Variants in MGAT5B observed in about 807,000 individuals in gnomAD.
MGAT5B encodes N-acetylglucosaminyl-transferase Vb.
Under a neutral mutation model 95.1 loss-of-function variants are expected in MGAT5B, and 54 were observed. The observed-to-expected ratio is 0.57, with a 90% CI of 0.46 to 0.71. The LOEUF (loss-of-function observed/expected upper bound fraction) is 0.71, where lower values mean the gene tolerates loss of function less well. Ranked by LOEUF, MGAT5B falls within the 30% of genes least tolerant of loss-of-function variation. The pLI is 0.00. For missense variants in MGAT5B, 935 were observed against 1,088.6 expected (o/e 0.86, Z 1.99); for synonymous variants, 464 against 451.0 (o/e 1.03, Z -0.36).
At chr17:76,899,913 A>C (rs1327050176) in intron 3 of MGAT5B, among the ~76,000 whole-genome samples, 1 of 152,090 alleles carries the variant, frequency 6.6e-6, no homozygotes, top group Non-Finnish European at 1.5e-5. Flanking sequence ...TAATGAGAAA[A>C]GGTTGATGTG....
chr17:76,937,485 A>G (rs771980365), intron 12 of MGAT5B, among the ~76,000 whole-genome samples: 1 of 151,714 alleles, frequency 6.6e-6, no homozygotes, highest in African/African-American at 2.4e-5. Flanking sequence ...GTGGACGCAT[A>G]GAGTTATGGG....
At chr17:76,909,133 A>T (rs554591010) in intron 8 of MGAT5B, among the ~76,000 whole-genome samples, 1 of 151,380 alleles carries the variant, frequency 6.6e-6, no homozygotes, top group East Asian at 1.9e-4. Flanking sequence ...TTTAAATCTT[A>T]TTTATTTTAA....
intron 10 of MGAT5B, among the ~76,000 whole-genome samples, chr17:76,927,189 C>T (rs1969339567): frequency 6.6e-6 from 1 of 152,146 alleles, no homozygotes; most frequent in African/African-American, 2.4e-5. Context: ...TTGGGCTTGG[C>T]TTCCAGGGCT....
At position 76,908,691 on chromosome 17, in the gene MGAT5B, G is replaced by A. The variant is rs371351975; in HGVS notation, c.1025+2504G>A. Among the ~76,000 whole-genome samples, 21 of 152,134 alleles carry A rather than the reference G, an allele frequency of 1.4e-4. No individual in the cohort carries two copies. In the East Asian group the frequency reaches 3.1e-3, roughly 22 times the overall value. ...TGTAATGATCAAGTCAGGGTACTGG[G>A]GATCTATCATCTTGAGTATTTATTA... On this transcript the variant is annotated intron_variant, in intron 8 of 17. Coordinates refer to ENST00000569840, the MANE Select transcript of MGAT5B (RefSeq NM_001199172.2).
intron 3 of MGAT5B, among the ~76,000 whole-genome samples, chr17:76,897,848 G>C (rs1021296969): frequency 4.0e-5 from 6 of 150,816 alleles, no homozygotes; most frequent in African/African-American, 1.5e-4. Flanking sequence ...GTGAGGTCAG[G>C]AGTTTGAGAC....
At chr17:76,909,624 G>C (rs1309249893) in intron 8 of MGAT5B, among the ~76,000 whole-genome samples, 2 of 152,174 alleles carry the variant, frequency 1.3e-5, no homozygotes, top group African/African-American at 2.4e-5. Flanking sequence ...ACCAGTCTTG[G>C]GCAGCTACTC....
Position 76,904,314 on chromosome 17 carries a change from G to A in MGAT5B, c.582G>A (p.Glu194=). The A allele has an allele frequency of 1.9e-6, 3 of 1,609,918 alleles. No homozygotes were observed. The highest frequency in any genetic ancestry group is 2.5e-6 in the Non-Finnish European group (3 of 1,178,500). Residue 194 remains glutamate (E), a synonymous_variant, in exon 6 of 18, where the codon GAG becomes GAA. Transcript: ENST00000569840. ...CYAFFGVDGT[E]CSFLIYLSEV... is the part of the protein sequence containing the mutation. ...CCTTCTTTGGGGTGGACGGCACCGA[G>A]TGCTCCTTCCTCATCTACCTCAGTG...
intron 3 of MGAT5B, among the ~76,000 whole-genome samples, chr17:76,890,358 G>A (rs1967819866): frequency 6.6e-6 from 1 of 152,218 alleles, no homozygotes; most frequent in South Asian, 2.1e-4. Flanking sequence ...ATTACGAGTA[G>A]TGATAATAAT....
intron 10 of MGAT5B, among the ~76,000 whole-genome samples, chr17:76,926,996 C>T (rs1969334210): frequency 6.6e-6 from 1 of 152,180 alleles, no homozygotes; most frequent in South Asian, 2.1e-4. Flanking sequence ...GTAGCCTTCA[C>T]CCTCCAGGAG....
chr17:76,900,871 A>G (rs62084720), intron 3 of MGAT5B, among the ~76,000 whole-genome samples: 1 of 142,742 alleles, frequency 7.0e-6, no homozygotes, highest in Non-Finnish European at 1.5e-5. Context: ...TTGTGTGTGC[A>G]TGTGTGCGTG....
intron 15 of MGAT5B, among the ~76,000 whole-genome samples, chr17:76,941,891 T>C (rs1378823740): frequency 2.6e-5 from 4 of 152,222 alleles, no homozygotes; most frequent in African/African-American, 9.6e-5. Flanking sequence ...CCCAGAGCTG[T>C]CCTGCCCGAG....
In MGAT5B at chr17:76,914,465, T is replaced by C. The variant is rs963003278; in HGVS notation, c.1025+8278T>C. 6.6e-6 allele frequency among the ~76,000 whole-genome samples: 1 copy of C among 152,184 alleles called. No homozygotes were observed. Among genetic ancestry groups the C allele is most frequent in the African/African-American group, 2.4e-5 (1 of 41,444 alleles). ...ACACAAATGTGTCCTCTTACAGTCC[T>C]GAAGGCTGGAAGTCTGAAATCAAGA... On this transcript the variant is annotated intron_variant, in intron 8 of 17. Coordinates refer to ENST00000569840, the MANE Select transcript of MGAT5B (RefSeq NM_001199172.2). The surrounding 1 kb of genome is among the most constrained non-coding windows in gnomAD (Gnocchi z 5.1).
At position 76,869,198 on chromosome 17, in the gene MGAT5B, C is replaced by T; in HGVS notation, c.68+101C>T. On this transcript the variant is annotated intron_variant, in intron 1 of 17. Transcript: ENST00000569840. This position sits in a 1 kb window ranked among gnomAD's most constrained non-coding sequence, Gnocchi z 7.0. ...GTTCAAGTCCTGGTGGCAGAGGGGGCGGTTCACACTTCAACCCCTGGTGAT... is the reference window on the plus strand; with the variant it reads ...GTTCAAGTCCTGGTGGCAGAGGGGGTGGTTCACACTTCAACCCCTGGTGAT... 9.8e-7 allele frequency: 1 copy of T among 1,018,390 alleles called. No homozygotes were observed. Among genetic ancestry groups the T allele is most frequent in the Non-Finnish European group, 1.5e-6 (1 of 652,790 alleles). 63.1% of individuals were successfully genotyped at this position (1,018,390 alleles called of 1,614,324 possible).
At chr17:76,883,626 C>G (rs752385801) in intron 3 of MGAT5B, among the ~76,000 whole-genome samples, 7 of 152,190 alleles carry the variant, frequency 4.6e-5, no homozygotes, top group Non-Finnish European at 8.8e-5. Context: ...CCACCCTATT[C>G]CAGGGAGACG....
At position 76,946,360 on chromosome 17, in the gene MGAT5B, C is replaced by T. The variant is rs546574387; in HGVS notation, c.1849-16C>T. 6.2e-7 allele frequency: 1 copy of T among 1,602,940 alleles called. No homozygotes were observed. Among genetic ancestry groups the T allele is most frequent in the African/African-American group, 1.3e-5 (1 of 74,576 alleles). Reference sequence around the variant, plus strand: ...GGCCTTCTCCCGCCCCATGTGTCTGCCCATCCCTCCCACAGGTAGACCCCT... The same window carrying T: ...GGCCTTCTCCCGCCCCATGTGTCTGTCCATCCCTCCCACAGGTAGACCCCT... On this transcript the variant is annotated splice_polypyrimidine_tract_variant and intron_variant, in intron 15 of 17. Transcript: ENST00000569840.
intron 8 of MGAT5B, among the ~76,000 whole-genome samples, chr17:76,908,275 C>CTTTTTTTTTTTT: frequency 9.7e-6 from 1 of 103,072 alleles, no homozygotes; most frequent in Non-Finnish European, 1.9e-5. Flanking sequence ...TTTCTTTCTT[C>CTTTTTTTTTTTT]TTTTTTTTTT....
intron 8 of MGAT5B, among the ~76,000 whole-genome samples, chr17:76,921,662 G>A (rs1211249274): frequency 6.6e-6 from 1 of 152,188 alleles, no homozygotes; most frequent in Non-Finnish European, 1.5e-5. Context: ...GTGGTGCAGG[G>A]GCTGCAGCTG....
intron 4 of MGAT5B, 109 bp from the exon 5 acceptor site, chr17:76,903,194 G>T: frequency 1.2e-6 from 1 of 844,718 alleles, no homozygotes. Flanking sequence ...GCTTTAAGGT[G>T]GGAAAGCCTG....
chr17:76,907,155 G>A lies in MGAT5B; in HGVS notation c.1025+968G>A, dbSNP rs1473803330. Among the ~76,000 whole-genome samples the A allele has an allele frequency of 4.0e-5, 6 of 151,782 alleles. No homozygotes were observed. The East Asian group carries it at 5.8e-4, about 15-fold the overall frequency. On this transcript the variant is annotated intron_variant, in intron 8 of 17. Transcript: ENST00000569840. ...CAGCCTCCGCCTCCCGGGTTCAAGC[G>A]ATTCTCCTGCCTCAGCTCCTGAGTA...
Sources: allele counts gnomAD v4.1 joint callset (sites outside exome capture counted in the v4.1 genomes callset), GRCh38; gene constraint gnomAD v4.1.1; non-coding constraint Gnocchi (gnomAD v3.1); transcripts MANE v1.5; gene names NCBI Gene and HGNC (gene_info 2026-07-23, HGNC 2026-07-21).